The following GLIS3 variants were observed in gnomAD, a reference collection of about 807,000 sequenced individuals.
GLIS3 encodes the protein zinc finger protein GLIS3.
GLIS3 carries 53 observed loss-of-function variants against 78.6 expected under a neutral mutation model. The observed-to-expected ratio is 0.67, with a 90% CI of 0.54 to 0.85. The LOEUF (loss-of-function observed/expected upper bound fraction) is 0.85. Among genes scored for constraint, GLIS3 ranks in the 40% least tolerant of loss-of-function variants. The probability of loss-of-function intolerance (pLI) is 0.00; values close to 1 mark genes in which losing one functional copy is unlikely to be tolerated. For synonymous variants in GLIS3, 684 were observed against 509.9 expected, an observed-to-expected ratio of 1.34 and a Z score of -4.60; for missense variants, 1,703 against 1,231.1, an observed-to-expected ratio of 1.38 and a Z score of -5.74.
chr9:3,939,270 T>C (rs1028153315), intron 4 of GLIS3, among the ~76,000 whole-genome samples: 2 of 152,200 alleles, frequency 1.3e-5, no homozygotes, highest in Non-Finnish European at 2.9e-5. Flanking sequence ...ATGAGGTTTC[T>C]GTGAGTACAG....
chr9:4,143,395 T>C (rs925842692), intron 2 of GLIS3, among the ~76,000 whole-genome samples: 3 of 151,776 alleles, frequency 2.0e-5, no homozygotes, highest in South Asian at 2.1e-4. Context: ...GATGAAACCC[T>C]GTCTCTACTA....
intron 2 of GLIS3, among the ~76,000 whole-genome samples, chr9:4,176,158 A>G (rs1201402403): frequency 6.6e-6 from 1 of 152,186 alleles, no homozygotes; most frequent in Non-Finnish European, 1.5e-5. Flanking sequence ...CCCAGAATCA[A>G]GATCTGGTGG....
chr9:4,032,290 A>C (rs371368290), intron 4 of GLIS3, among the ~76,000 whole-genome samples: 1 of 152,194 alleles, frequency 6.6e-6, no homozygotes, highest in Non-Finnish European at 1.5e-5. Context: ...TTCCTTCCCA[A>C]GTTTCTTAGA....
intron 2 of GLIS3, among the ~76,000 whole-genome samples, chr9:4,271,879 T>G (rs1380699082): frequency 6.6e-6 from 1 of 152,200 alleles, no homozygotes; most frequent in African/African-American, 2.4e-5. Flanking sequence ...TGGATTCAGT[T>G]CCCAGCTTTG....
chr9:4,328,280 T>C (rs1323711342), intron 2 of GLIS3, among the ~76,000 whole-genome samples: 1 of 152,180 alleles, frequency 6.6e-6, no homozygotes, highest in East Asian at 1.9e-4. Context: ...GCTTGGATCA[T>C]GCTGTGGCCC....
chr9:4,285,860 C>T (rs565862127), intron 2 of GLIS3, 178 bp downstream of exon 2: 12 of 712,590 alleles, frequency 1.7e-5, no homozygotes, highest in Admixed American at 1.5e-4. Context: ...CACTGTGGTC[C>T]CCTCCAACAC....
chr9:4,454,515 C>A, the GLIS3 span, among the ~76,000 whole-genome samples: 2 of 152,166 alleles, frequency 1.3e-5, no homozygotes, highest in African/African-American at 4.8e-5. Flanking sequence ...TCCCTTTGCC[C>A]TACATCTTGC....
chr9:4,165,345 G>A (rs1338664370), intron 2 of GLIS3, among the ~76,000 whole-genome samples: 2 of 152,190 alleles, frequency 1.3e-5, no homozygotes, highest in Non-Finnish European at 2.9e-5. Flanking sequence ...GGAGGCTGAG[G>A]CAGGAGAACC....
chr9:4,230,312 A>G (rs2131362227), intron 2 of GLIS3, among the ~76,000 whole-genome samples: 1 of 152,384 alleles, frequency 6.6e-6, no homozygotes, highest in South Asian at 2.1e-4. Flanking sequence ...ACTGCAGGCC[A>G]GAAGCAGGCA....
intron 4 of GLIS3, among the ~76,000 whole-genome samples, chr9:4,050,343 A>ATG (rs1825644224): frequency 6.6e-6 from 1 of 152,166 alleles, no homozygotes; most frequent in Non-Finnish European, 1.5e-5. Context: ...AAACTATCGC[A>ATG]AGGACAGAAA....
intron 2 of GLIS3, among the ~76,000 whole-genome samples, chr9:4,324,415 A>C (rs148718460): frequency 2.6e-5 from 4 of 152,338 alleles, no homozygotes; most frequent in African/African-American, 9.6e-5. Flanking sequence ...TATTAATAAT[A>C]ACATCTGCCC....
the GLIS3 span, among the ~76,000 whole-genome samples, chr9:4,376,357 C>A: frequency 6.6e-6 from 1 of 152,112 alleles, no homozygotes; most frequent in Non-Finnish European, 1.5e-5. Flanking sequence ...GATTGTTTTT[C>A]CTGGGGAGAG....
intron 2 of GLIS3, among the ~76,000 whole-genome samples, chr9:4,265,171 CAAAA>C (rs748851157): frequency 2.4e-5 from 2 of 84,340 alleles, no homozygotes; most frequent in Non-Finnish European, 4.7e-5. Flanking sequence ...GACGCCGTCT[CAAAA>C]AAAAAAAAAA....
At chr9:4,349,478 T>A (rs1817935431), upstream of GLIS3, among the ~76,000 whole-genome samples, 1 of 152,166 alleles carries the variant, frequency 6.6e-6, no homozygotes, top group African/African-American at 2.4e-5. Flanking sequence ...TGAGGATTTA[T>A]ATTGATGAGT....
At chr9:4,098,981 C>T (rs1408102314) in intron 4 of GLIS3, among the ~76,000 whole-genome samples, 1 of 152,146 alleles carries the variant, frequency 6.6e-6, no homozygotes, top group Non-Finnish European at 1.5e-5. Flanking sequence ...AGCCCTGACA[C>T]ATAACAGACC....
chr9:3,912,359 CTA>C (rs1288797958), intron 6 of GLIS3, among the ~76,000 whole-genome samples: 1 of 152,070 alleles, frequency 6.6e-6, no homozygotes, highest in African/African-American at 2.4e-5. Flanking sequence ...TGGAATTATT[CTA>C]TCTCAGGAGA....
At chr9:4,115,594 C>A (rs1039996834) in intron 4 of GLIS3, among the ~76,000 whole-genome samples, 4 of 152,014 alleles carry the variant, frequency 2.6e-5, no homozygotes, top group Admixed American at 2.6e-4. Flanking sequence ...ACTTTCACAG[C>A]AAAATTAATT....
intron 4 of GLIS3, among the ~76,000 whole-genome samples, chr9:4,093,195 C>G (rs1829668655): frequency 6.6e-6 from 1 of 151,418 alleles, no homozygotes. Context: ...GTGGCAGAGT[C>G]ATGATTTAAA....
intron 6 of GLIS3, among the ~76,000 whole-genome samples, chr9:3,899,493 G>T (rs1823125238): frequency 6.6e-6 from 1 of 151,050 alleles, no homozygotes; most frequent in Non-Finnish European, 1.5e-5. Context: ...ATCTTTTAAT[G>T]AATAAGAATT....
Sources: allele counts gnomAD v4.1 joint callset (sites outside exome capture counted in the v4.1 genomes callset), GRCh38; gene constraint gnomAD v4.1.1; transcripts MANE v1.5; gene names NCBI Gene and HGNC (gene_info 2026-07-23, HGNC 2026-07-21).